Variants in DDB1 observed in about 807,000 individuals in gnomAD.
DDB1 encodes damage specific DNA binding protein 1.
Under a neutral mutation model 133.1 loss-of-function variants are expected in DDB1, and 18 were observed. The ratio of observed to expected loss-of-function variants is 0.14; its 90% CI spans 0.09 to 0.20. The LOEUF is 0.20. Ranked by LOEUF, DDB1 falls within the 10% of genes least tolerant of loss-of-function variation. DDB1 has a pLI of 1.00. For missense variants in DDB1, 828 were observed against 1,459.2 expected, an observed-to-expected ratio of 0.57 and a Z score of 7.05; for synonymous variants, 580 against 550.5, an observed-to-expected ratio of 1.05 and a Z score of -0.75.
intron 5 of DDB1, 98 bp from the exon 6 acceptor site, chr11:61,325,806 T>C (rs1856260383): frequency 2.3e-6 from 2 of 877,248 alleles, no homozygotes; most frequent in Admixed American, 4.0e-5. Flanking sequence ...AGGCAAACTT[T>C]AAGGTCATCA....
At chr11:61,323,300 C>G in intron 7 of DDB1, 1 of 571,702 alleles carries the variant, frequency 1.7e-6, no homozygotes, top group South Asian at 2.2e-5. Flanking sequence ...TCCCTACACT[C>G]AGAAAAATCT....
chr11:61,322,474 G>A (rs1856198089), intron 8 of DDB1, 62 bp from the exon 9 acceptor site: 2 of 1,230,018 alleles, frequency 1.6e-6, no homozygotes, highest in Admixed American at 1.7e-5. Flanking sequence ...ACCCAAAAGA[G>A]ATGGTTATTG....
rs930747976 is a variant in DDB1, at chr11:61,333,016, G to C, written c.-48C>G. The stretch of plus-strand genomic sequence containing the variant: ...CGGGACTCGAGCGCGACACTAGAAA[G>C]AGGGACACAAGCGAAAAGACAGGTG... On this transcript the variant is annotated 5_prime_UTR_variant, in exon 1 of 27. Coordinates refer to ENST00000301764, the MANE Select transcript of DDB1 (RefSeq NM_001923.5). The C allele has an allele frequency of 3.2e-5, 47 of 1,450,724 alleles. No individual in the cohort carries two copies. The highest frequency in any genetic ancestry group is 4.0e-5 in the Non-Finnish European group (44 of 1,088,810). The allele number at this position is 1,450,724 out of a possible 1,614,324, so 89.9% of individuals were successfully genotyped here. A position where few individuals can be genotyped will look rare whatever the true frequency, so the allele number is the denominator to read the frequency against.
rs762817183 is a variant in DDB1 at position 61,326,786 on chromosome 11, C to G, written c.657G>C (p.Val219=). The stretch of plus-strand genomic sequence containing the variant: ...CCTAAACCCCCTACCAACCTGCGAT[C>G]ACCATGGAAGCTTCAGCTTCGACAT... ...QENVEAEASM[V]IAVPEPFGGA... is the part of the protein sequence containing the mutation. Residue 219 remains valine, a synonymous_variant, in exon 5 of 27, where the codon GTG becomes GTC. Coordinates refer to ENST00000301764, the MANE Select transcript of DDB1 (RefSeq NM_001923.5). The G allele has an allele frequency of 6.2e-7, 1 of 1,614,078 alleles. No individual in the cohort carries two copies. Among genetic ancestry groups the G allele is most frequent in the Non-Finnish European group, 8.5e-7 (1 of 1,179,952 alleles).
chr11:61,330,342 A>C (rs1041585159), intron 2 of DDB1: 56 of 290,996 alleles, frequency 1.9e-4, no homozygotes, highest in African/African-American at 1.2e-3. Context: ...CATCTATTTC[A>C]ATCTCAAGCT....
intron 16 of DDB1, among the ~76,000 whole-genome samples, chr11:61,313,294 C>G (rs1446692189): frequency 6.6e-6 from 1 of 152,128 alleles, no homozygotes; most frequent in Non-Finnish European, 1.5e-5. Context: ...AACCTCAGAC[C>G]CACTGAGGAT....
chr11:61,329,855 T>C lies in DDB1; in HGVS notation c.327+103A>G, dbSNP rs1856336818. The C allele has an allele frequency of 9.7e-6, 10 of 1,028,100 alleles. No homozygotes were observed. In the South Asian group the frequency reaches 1.5e-4, roughly 15 times the overall value. The allele number at this position is 1,028,100 out of a possible 1,614,324, so 63.7% of individuals were successfully genotyped here. On this transcript the variant is annotated intron_variant, in intron 3 of 26. Coordinates refer to ENST00000301764, the MANE Select transcript of DDB1 (RefSeq NM_001923.5). ...CAAACCCATAGTGTCTTCTCCTTAT[T>C]TCTCTGATCGAATAGAGAGCTGCCC... is the stretch of plus-strand genomic sequence containing the variant.
In DDB1 at chr11:61,320,918, T is replaced by C. The variant is rs146081820; in HGVS notation, c.1225+677A>G. ...TTTTTTTTGGTGACACAAGGTCTCA[T>C]TGTCGCCCAAACTAGAGTGCAGTGG... On this transcript the variant is annotated intron_variant, in intron 10 of 26. Coordinates refer to ENST00000301764, the MANE Select transcript of DDB1 (RefSeq NM_001923.5). Among the ~76,000 whole-genome samples the C allele has an allele frequency of 8.8e-3, 1,345 of 151,994 alleles. 18 individuals carry two copies. Among genetic ancestry groups the C allele is most frequent in the African/African-American group, 0.03 (1,249 of 41,426 alleles).
chr11:61,304,853 G>A (rs560157625), intron 21 of DDB1, among the ~76,000 whole-genome samples: 1 of 151,216 alleles, frequency 6.6e-6, no homozygotes, highest in Non-Finnish European at 1.5e-5. Flanking sequence ...ACTCCAGCCT[G>A]GGGGACAGAG....
At chr11:61,312,506 CTTTTTTT>C (rs954501705) in intron 16 of DDB1, among the ~76,000 whole-genome samples, 4 of 120,078 alleles carry the variant, frequency 3.3e-5, no homozygotes, top group African/African-American at 1.4e-4. Context: ...CTCTCTCTCT[CTTTTTTT>C]TTTTTTTTTT....
intron 10 of DDB1, among the ~76,000 whole-genome samples, chr11:61,316,972 T>C (rs1314634904): frequency 0.011 from 623 of 58,062 alleles, 80 homozygotes; most frequent in African/African-American, 0.039. Context: ...TATATATATA[T>C]ATATATATAT....
At chr11:61,329,659 G>T in intron 3 of DDB1, 75 bp from the exon 4 acceptor site, 1 of 1,417,488 alleles carries the variant, frequency 7.1e-7, no homozygotes, top group Non-Finnish European at 9.6e-7. Flanking sequence ...CACCACTTGT[G>T]CAGAAAAATT....
intron 10 of DDB1, among the ~76,000 whole-genome samples, chr11:61,316,988 T>C (rs181865340): frequency 1.3e-5 from 1 of 77,112 alleles, no homozygotes; most frequent in South Asian, 4.2e-4. Context: ...TATATATATA[T>C]ATATATATAT....
At chr11:61,319,930 C>CT (rs1271871498) in intron 10 of DDB1, among the ~76,000 whole-genome samples, 4 of 152,156 alleles carry the variant, frequency 2.6e-5, no homozygotes, top group Non-Finnish European at 5.9e-5. Context: ...TCAGGAGTAT[C>CT]TTTAAGTTTT....
At chr11:61,316,612 C>T (rs1856071564) in intron 10 of DDB1, 45 bp from the exon 11 acceptor site, 2 of 1,598,410 alleles carry the variant, frequency 1.3e-6, no homozygotes, top group South Asian at 1.1e-5. Context: ...CAGACCAACA[C>T]TTAGCATGCA....
In DDB1 at chr11:61,299,987, C is replaced by T. The variant is rs1161364199; in HGVS notation, c.*149G>A. On this transcript the variant is annotated 3_prime_UTR_variant, in exon 27 of 27. Transcript: ENST00000301764. Reference sequence around the variant, plus strand: ...ATTCCCAAGTCTCTATGAAGCCCGCCCCACTTCCACATAGGGGAACTGTGG... The same window carrying T: ...ATTCCCAAGTCTCTATGAAGCCCGCTCCACTTCCACATAGGGGAACTGTGG... 18 of 704,464 alleles carry T rather than the reference C, an allele frequency of 2.6e-5. No homozygotes were observed. Among genetic ancestry groups the T allele is most frequent in the Non-Finnish European group, 4.2e-5 (17 of 407,648 alleles). 43.6% of individuals were successfully genotyped at this position (704,464 alleles called of 1,614,324 possible).
chr11:61,325,773 A>G lies in DDB1; in HGVS notation c.665-65T>C, dbSNP rs7108142. On this transcript the variant is annotated intron_variant, in intron 5 of 26. Coordinates refer to ENST00000301764, the MANE Select transcript of DDB1 (RefSeq NM_001923.5). ...GGGTCTGCCAAACCAGGACTGGCAA[A>G]AGTACAGGTCTAGTTAGCCCCAAGG... The G allele has an allele frequency of 0.042, 55,552 of 1,326,422 alleles. 10,580 individuals are homozygous for G. The African/African-American group carries it at 0.52, about 12-fold the overall frequency. The allele number at this position is 1,326,422 out of a possible 1,614,324, so 82.2% of individuals were successfully genotyped here. A position where few individuals can be genotyped will look rare whatever the true frequency, so the allele number is the denominator to read the frequency against.
chr11:61,323,673 CA>C (rs56366947), intron 7 of DDB1: 4 of 317,332 alleles, frequency 1.3e-5, no homozygotes, highest in African/African-American at 8.4e-5. Context: ...CTCAGTCTCC[CA>C]AAGTGCTGGG....
At chr11:61,326,383 T>C (rs1032342196) in intron 5 of DDB1, among the ~76,000 whole-genome samples, 20 of 152,028 alleles carry the variant, frequency 1.3e-4, no homozygotes, top group African/African-American at 4.8e-4. Flanking sequence ...CTCAAACTCC[T>C]AGGCTCAAGT....
Sources: allele counts gnomAD v4.1 joint callset (sites outside exome capture counted in the v4.1 genomes callset), GRCh38; gene constraint gnomAD v4.1.1; transcripts MANE v1.5; gene names NCBI Gene and HGNC (gene_info 2026-07-23, HGNC 2026-07-21).